The following PTPN12 variants were observed in gnomAD, a reference collection of about 807,000 sequenced individuals.
PTPN12 encodes the protein protein tyrosine phosphatase non-receptor type 12, also known as tyrosine-protein phosphatase non-receptor type 12.
In PTPN12, 29 loss-of-function variants were observed where a neutral mutation model predicts 97.6. The ratio of observed to expected loss-of-function variants is 0.30; its 90% CI spans 0.22 to 0.41. PTPN12 has a LOEUF of 0.41. Among genes scored for constraint, PTPN12 ranks in the 10% least tolerant of loss-of-function variants. The pLI is 1.00. For missense variants in PTPN12, 819 were observed against 926.0 expected (o/e 0.88, Z 1.50); for synonymous variants, 327 against 300.4 (o/e 1.09, Z -0.91).
chr7:77,572,834 C>T (rs920901863), intron 2 of PTPN12, among the ~76,000 whole-genome samples: 2 of 152,000 alleles, frequency 1.3e-5, no homozygotes, highest in African/African-American at 2.4e-5. Flanking sequence ...CCTATAATCC[C>T]AGCACTTTGG....
Position 77,537,561 on chromosome 7 carries a change from G to A in PTPN12, c.15G>A (p.Glu5=), listed in dbSNP as rs1046509537. 5.0e-6 allele frequency: 8 copies of A among 1,599,164 alleles called. No individual in the cohort carries two copies. The South Asian group carries it at 5.6e-5, about 11-fold the overall frequency. The change falls in exon 1 of 18, where the codon GAG becomes GAA. Residue 5 remains glutamate, a synonymous_variant. Coordinates refer to ENST00000248594, the MANE Select transcript of PTPN12 (RefSeq NM_002835.4). ...GACGCGGGAGGATGGAGCAAGTGGAGATCCTGAGGAAATTCATCCAGAGGG... is the reference window on the plus strand; with the variant it reads ...GACGCGGGAGGATGGAGCAAGTGGAAATCCTGAGGAAATTCATCCAGAGGG... MEQV[E]ILRKFIQRVQ...
At chr7:77,539,069 T>C (rs1806820850) in intron 1 of PTPN12, among the ~76,000 whole-genome samples, 1 of 152,230 alleles carries the variant, frequency 6.6e-6, no homozygotes, top group African/African-American at 2.4e-5. Flanking sequence ...TTATTTTTTG[T>C]TTAAAAAGTA....
At chr7:77,623,544 C>G (rs1176958461) in intron 12 of PTPN12, among the ~76,000 whole-genome samples, 1 of 152,186 alleles carries the variant, frequency 6.6e-6, no homozygotes, top group African/African-American at 2.4e-5. Context: ...AACCCTGTCT[C>G]TACTAAAAAT....
chr7:77,626,288 A>T (rs921607881), intron 12 of PTPN12, among the ~76,000 whole-genome samples: 24 of 152,226 alleles, frequency 1.6e-4, no homozygotes, highest in African/African-American at 4.8e-4. Flanking sequence ...CGACTGAGGT[A>T]ATGAAAAATT....
At chr7:77,610,078 C>A (rs963323168) in intron 9 of PTPN12, among the ~76,000 whole-genome samples, 1 of 152,188 alleles carries the variant, frequency 6.6e-6, no homozygotes, top group Non-Finnish European at 1.5e-5. Flanking sequence ...TTCCTTGATA[C>A]AAAAATTGTG....
chr7:77,579,867 C>T (rs1787457746), intron 2 of PTPN12, among the ~76,000 whole-genome samples: 2 of 152,102 alleles, frequency 1.3e-5, no homozygotes, highest in African/African-American at 4.8e-5. Flanking sequence ...TTGCATAATT[C>T]AAGAAATGGA....
chr7:77,545,263 C>G (rs1807160136), intron 1 of PTPN12, among the ~76,000 whole-genome samples: 2 of 152,158 alleles, frequency 1.3e-5, no homozygotes, highest in Non-Finnish European at 2.9e-5. Flanking sequence ...CTACTTGCCT[C>G]TAGTTTCTTT....
At chr7:77,622,893 A>G (rs1372023261) in intron 12 of PTPN12, among the ~76,000 whole-genome samples, 1 of 146,908 alleles carries the variant, frequency 6.8e-6, no homozygotes, top group Admixed American at 6.9e-5. Flanking sequence ...TCATTTCAAG[A>G]AAATGAATGG....
Position 77,594,289 on chromosome 7 carries a change from T to C in PTPN12, c.492+2033T>C, listed in dbSNP as rs1287124118. Among the ~76,000 whole-genome samples the C allele has an allele frequency of 3.9e-5, 6 of 152,062 alleles. 1 individual carries two copies. The highest frequency in any genetic ancestry group is 8.8e-5 in the Non-Finnish European group (6 of 68,014). ...CAAGCCCGGGCAAAATAGTGAGACA[T>C]TATTAACATTTTTAAAAACGTTAAA... On this transcript the variant is annotated intron_variant, in intron 6 of 17. Transcript: ENST00000248594.
intron 12 of PTPN12, among the ~76,000 whole-genome samples, chr7:77,621,132 C>T (rs1046438345): frequency 5.3e-5 from 8 of 149,904 alleles, no homozygotes; most frequent in South Asian, 2.1e-4. Context: ...ACTTTTTAAA[C>T]GTTTTTGTTA....
chr7:77,628,559 GA>G (rs1789282861), intron 13 of PTPN12, among the ~76,000 whole-genome samples: 1 of 138,764 alleles, frequency 7.2e-6, no homozygotes, highest in Non-Finnish European at 1.5e-5. Flanking sequence ...GACCTTGAAA[GA>G]TTTTTTTTTT....
At chr7:77,571,223 T>G in intron 2 of PTPN12, 37 bp downstream of exon 2, 3 of 1,305,372 alleles carry the variant, frequency 2.3e-6, no homozygotes, top group Non-Finnish European at 3.2e-6. Flanking sequence ...TACATAGAAA[T>G]GCTAATTAGC....
rs1386444960 is a variant in PTPN12, at chr7:77,632,222, A to T, written c.1997-126A>T. ...ATAATGAGTGGAAAAGGTTTCTTGC[A>T]TTTTTTTGCATTTTTAAAAACTGAT... On this transcript the variant is annotated intron_variant, in intron 13 of 17. Coordinates refer to ENST00000248594, the MANE Select transcript of PTPN12 (RefSeq NM_002835.4). The T allele has an allele frequency of 5.7e-6, 4 of 703,744 alleles. No individual in the cohort carries two copies. In the Admixed American group the frequency reaches 9.8e-5, roughly 17 times the overall value. The allele number at this position is 703,744 out of a possible 1,614,324, so 43.6% of individuals were successfully genotyped here. A position where few individuals can be genotyped will look rare whatever the true frequency, so the allele number is the denominator to read the frequency against.
intron 5 of PTPN12, among the ~76,000 whole-genome samples, chr7:77,587,830 A>C (rs1294235958): frequency 5.3e-5 from 8 of 152,214 alleles, no homozygotes; most frequent in Admixed American, 4.6e-4. Context: ...CAGCCTCTAA[A>C]TCAGAATTTG....
chr7:77,627,543 A>G lies in PTPN12; in HGVS notation c.1864A>G (p.Thr622Ala), dbSNP rs1366950895. ...TGATGGTGCTGTGACCCAGAATAAAACTAATATTTCAACAGCAAGTGCCAC... is the reference window on the plus strand; with the variant it reads ...TGATGGTGCTGTGACCCAGAATAAAGCTAATATTTCAACAGCAAGTGCCAC... ...NSDGAVTQNK[T>A]NISTASATVS... The change falls in exon 13 of 18, where the codon ACT becomes GCT. Residue 622 changes from threonine to alanine, a missense_variant. Physicochemically the swap from Thr to Ala is moderately conservative, Grantham distance 58. This residue lies in a region of PTPN12 where 607 missense variants were observed against 577.3 expected (regional missense o/e 1.05). Transcript: ENST00000248594. The G allele has an allele frequency of 6.2e-7, 1 of 1,614,004 alleles. No homozygotes were observed. Among genetic ancestry groups the G allele is most frequent in the Non-Finnish European group, 8.5e-7 (1 of 1,180,006 alleles).
At chr7:77,609,303 A>C (rs1157063267) in intron 9 of PTPN12, among the ~76,000 whole-genome samples, 4 of 126,402 alleles carry the variant, frequency 3.2e-5, no homozygotes, top group African/African-American at 9.4e-5. Context: ...ATGGAGTCTC[A>C]CTCTGTTGCC....
intron 8 of PTPN12, 187 bp downstream of exon 8, chr7:77,600,993 T>A: frequency 1.9e-6 from 1 of 539,132 alleles, no homozygotes; most frequent in Non-Finnish European, 3.3e-6. Context: ...ATTGTTGCAT[T>A]AAAACACAGG....
Position 77,625,467 on chromosome 7 carries a change from T to TGC in PTPN12, c.1026-1237_1026-1236dup, listed in dbSNP as rs1554326563. On this transcript the variant is annotated intron_variant, in intron 12 of 17. Transcript: ENST00000248594. ...CAGGGTTTTGCCATATTGCCCAGGC[T>TGC]GCTCGCTCTCTCTCTCTCTCTCTCT... is the stretch of plus-strand genomic sequence containing the variant. Among the ~76,000 whole-genome samples the TGC allele has an allele frequency of 7.9e-3, 156 of 19,678 alleles. 2 individuals carry two copies. The highest frequency in any genetic ancestry group is 9.9e-3 in the East Asian group (4 of 406). The allele number at this position is 19,678 out of a possible 152,430, so 12.9% of individuals were successfully genotyped here. A position where few individuals can be genotyped will look rare whatever the true frequency, so the allele number is the denominator to read the frequency against.
rs548277407 is a variant in PTPN12, at chr7:77,622,047, C to T, written c.1025+3482C>T. ...GTGTGATTATGGCTCACTGCAGCCT[C>T]GACCTCAATTGAACCTCCCACCCTA... is the stretch of plus-strand genomic sequence containing the variant. On this transcript the variant is annotated intron_variant, in intron 12 of 17. Coordinates refer to ENST00000248594, the MANE Select transcript of PTPN12 (RefSeq NM_002835.4). Among the ~76,000 whole-genome samples, 12 of 152,296 alleles carry T rather than the reference C, an allele frequency of 7.9e-5. No individual in the cohort carries two copies. The East Asian group carries it at 9.6e-4, about 12-fold the overall frequency.
Sources: allele counts gnomAD v4.1 joint callset (sites outside exome capture counted in the v4.1 genomes callset), GRCh38; gene constraint gnomAD v4.1.1; regional missense constraint gnomAD v4.1.1; transcripts MANE v1.5; gene names NCBI Gene and HGNC (gene_info 2026-07-23, HGNC 2026-07-21).